Variants in CHRM3 observed in about 807,000 individuals in gnomAD.
CHRM3 encodes the protein muscarinic acetylcholine receptor M3.
CHRM3 carries 11 observed loss-of-function variants against 41.8 expected under a neutral mutation model. The observed-to-expected ratio is 0.26, with a 90% CI of 0.17 to 0.44. The LOEUF (loss-of-function observed/expected upper bound fraction) is 0.44. Among genes scored for constraint, CHRM3 ranks in the 20% least tolerant of loss-of-function variants. The pLI is 1.00. For missense variants in CHRM3, 571 were observed against 745.4 expected (o/e 0.77, Z 2.72); for synonymous variants, 297 against 301.4 (o/e 0.99, Z 0.15).
intron 5 of CHRM3, among the ~76,000 whole-genome samples, chr1:239,713,201 T>C (rs1219139554): frequency 6.6e-6 from 1 of 152,180 alleles, no homozygotes; most frequent in Non-Finnish European, 1.5e-5. Flanking sequence ...GAATTCCGAA[T>C]TGGAAGTCAG....
intron 5 of CHRM3, among the ~76,000 whole-genome samples, chr1:239,713,066 C>T (rs532563775): frequency 1.3e-5 from 2 of 152,238 alleles, no homozygotes; most frequent in East Asian, 3.9e-4. Flanking sequence ...CCCGCTAAGC[C>T]CGGGCACAAT....
intron 3 of CHRM3, among the ~76,000 whole-genome samples, chr1:239,609,566 C>T (rs1188657877): frequency 6.6e-6 from 1 of 152,152 alleles, no homozygotes; most frequent in Admixed American, 6.5e-5. Flanking sequence ...TAGGAAACTG[C>T]CAAACTCTTT....
intron 4 of CHRM3, among the ~76,000 whole-genome samples, chr1:239,668,018 A>G (rs981348483): frequency 2.0e-5 from 3 of 148,168 alleles, no homozygotes; most frequent in African/African-American, 7.5e-5. Flanking sequence ...ATTCACTACT[A>G]CTTAAAAGTG....
At chr1:239,545,433 G>T (rs985334948) in intron 2 of CHRM3, among the ~76,000 whole-genome samples, 1 of 152,248 alleles carries the variant, frequency 6.6e-6, no homozygotes, top group East Asian at 1.9e-4. Context: ...AAATTCACCC[G>T]TGTAACCAAA....
At chr1:239,459,565 A>T (rs1004222176) in intron 1 of CHRM3, among the ~76,000 whole-genome samples, 7 of 152,220 alleles carry the variant, frequency 4.6e-5, no homozygotes, top group Non-Finnish European at 1.0e-4. Context: ...TGAATGCTAT[A>T]CATCTTCAAT....
chr1:239,897,013 G>C (rs1299835940), intron 6 of CHRM3, among the ~76,000 whole-genome samples: 2 of 152,168 alleles, frequency 1.3e-5, no homozygotes, highest in Non-Finnish European at 2.9e-5. Context: ...GCTTTATACA[G>C]ATTCTATTTC....
intron 5 of CHRM3, among the ~76,000 whole-genome samples, chr1:239,825,600 A>G (rs1324777745): frequency 6.6e-6 from 1 of 152,252 alleles, no homozygotes; most frequent in East Asian, 1.9e-4. Context: ...CATTATTCAC[A>G]ATACCCAAAA....
chr1:239,864,519 T>TACACACAC (rs199613762), intron 6 of CHRM3, among the ~76,000 whole-genome samples: 56 of 148,134 alleles, frequency 3.8e-4, no homozygotes, highest in East Asian at 1.4e-3. Flanking sequence ...AAACAGAAAA[T>TACACACAC]ACACACACAC....
intron 2 of CHRM3, among the ~76,000 whole-genome samples, chr1:239,521,848 A>G (rs1669663403): frequency 6.6e-6 from 1 of 152,232 alleles, no homozygotes; most frequent in Non-Finnish European, 1.5e-5. Flanking sequence ...GTTACATTGT[A>G]CTAGATATTA....
intron 3 of CHRM3, among the ~76,000 whole-genome samples, chr1:239,596,270 C>G (rs1031133185): frequency 2.0e-5 from 3 of 152,134 alleles, no homozygotes; most frequent in Admixed American, 6.5e-5. Flanking sequence ...TTAGAAACCT[C>G]CAACTCTGTG....
At chr1:239,670,305 T>A (rs2083817) in intron 4 of CHRM3, among the ~76,000 whole-genome samples, 100,121 of 151,900 alleles carry the variant, frequency 0.66, 33,419 homozygotes, top group East Asian at 0.84. Context: ...TGGCCCATAG[T>A]CTCTATTTCT....
chr1:239,590,626 A>T (rs1016837909), intron 3 of CHRM3, among the ~76,000 whole-genome samples: 3 of 152,176 alleles, frequency 2.0e-5, no homozygotes, highest in Non-Finnish European at 4.4e-5. Flanking sequence ...TTTCTTCAGG[A>T]AATTCTTTAT....
At chr1:239,534,661 A>ATT (rs1572632600) in intron 2 of CHRM3, among the ~76,000 whole-genome samples, 2 of 152,230 alleles carry the variant, frequency 1.3e-5, no homozygotes, top group East Asian at 1.9e-4. Context: ...ATTTGGCCAA[A>ATT]TCCAACCTAA....
At chr1:239,833,532 G>A (rs1673059789) in intron 6 of CHRM3, among the ~76,000 whole-genome samples, 1 of 152,152 alleles carries the variant, frequency 6.6e-6, no homozygotes, top group African/African-American at 2.4e-5. Flanking sequence ...CTCAACAAAG[G>A]AGGCTAATAC....
At chr1:239,794,546 G>A (rs562798631) in intron 5 of CHRM3, among the ~76,000 whole-genome samples, 13 of 152,184 alleles carry the variant, frequency 8.5e-5, no homozygotes, top group South Asian at 8.3e-4. Flanking sequence ...TGTTACATGC[G>A]TCCTGCATTT....
chr1:239,815,012 G>C (rs1671458462), intron 5 of CHRM3, among the ~76,000 whole-genome samples: 1 of 152,092 alleles, frequency 6.6e-6, no homozygotes, highest in African/African-American at 2.4e-5. Context: ...CTGACTGCAA[G>C]AGATTCACCT....
At chr1:239,889,917 A>G (rs939619315) in intron 6 of CHRM3, among the ~76,000 whole-genome samples, 11 of 152,214 alleles carry the variant, frequency 7.2e-5, no homozygotes, top group African/African-American at 2.4e-4. Context: ...CACAGAGTAA[A>G]GAGGAATCAA....
At chr1:239,881,503 T>C (rs147612230) in intron 6 of CHRM3, among the ~76,000 whole-genome samples, 5 of 152,162 alleles carry the variant, frequency 3.3e-5, no homozygotes, top group African/African-American at 4.8e-5. Flanking sequence ...ATTCAGGTAA[T>C]CATTGATTAC....
intron 6 of CHRM3, among the ~76,000 whole-genome samples, chr1:239,859,832 T>C: frequency 2.3e-5 from 1 of 43,016 alleles, no homozygotes; most frequent in Admixed American, 2.5e-4. Flanking sequence ...TATATATATA[T>C]ATATATATAT....
Sources: gnomAD v4.1 joint callset for allele counts (sites outside exome capture counted in the v4.1 genomes callset) on GRCh38, gnomAD v4.1.1 for gene constraint, MANE v1.5 for transcripts, NCBI Gene and HGNC (gene_info 2026-07-23, HGNC 2026-07-21) for gene names.